The following DOT1L variants were observed in gnomAD, a reference collection of about 807,000 sequenced individuals.
DOT1L encodes the protein DOT1 like histone lysine methyltransferase, also known as histone-lysine N-methyltransferase, H3 lysine-79 specific.
Under a neutral mutation model 153.3 loss-of-function variants are expected in DOT1L, and 33 were observed. The observed-to-expected ratio is 0.22, with a 90% confidence interval of 0.16 to 0.29. The LOEUF (loss-of-function observed/expected upper bound fraction) is 0.29. Ranked by LOEUF, DOT1L falls within the 10% of genes least tolerant of loss-of-function variation. The pLI is 1.00. For missense variants in DOT1L, 1,847 were observed against 2,119.9 expected (o/e 0.87, Z 2.53); for synonymous variants, 1,135 against 965.1 (o/e 1.18, Z -3.26).
Position 2,208,914 on chromosome 19 carries a change from G to T in DOT1L, c.964-21G>T. ...GAGATTGGGACTCCCTTCTAATCAGGGTTCTCTTTCTTCTTTTTAGCTTGA... is the reference window on the plus strand; with the variant it reads ...GAGATTGGGACTCCCTTCTAATCAGTGTTCTCTTTCTTCTTTTTAGCTTGA... On this transcript the variant is annotated intron_variant, in intron 11 of 27. Transcript: ENST00000398665. The surrounding 1 kb of genome is among the most constrained non-coding windows in gnomAD (Gnocchi z 4.4). 1 of 1,611,568 alleles carries T rather than the reference G, an allele frequency of 6.2e-7. No individual in the cohort carries two copies. The highest frequency in any genetic ancestry group is 1.3e-5 in the African/African-American group (1 of 74,822).
At chr19:2,227,931 C>A (rs1019272919) in intron 27 of DOT1L, 5 of 1,200,280 alleles carry the variant, frequency 4.2e-6, no homozygotes, top group Non-Finnish European at 5.3e-6. Flanking sequence ...TCCGCCTCCC[C>A]CGCTGCCCCC....
Position 2,193,789 on chromosome 19 carries a change from C to G in DOT1L, c.588+6C>G, listed in dbSNP as rs189013905. On this transcript the variant is annotated splice_donor_region_variant and intron_variant, in intron 6 of 27. Coordinates refer to ENST00000398665, the MANE Select transcript of DOT1L (RefSeq NM_032482.3). The surrounding 1 kb of genome is among the most constrained non-coding windows in gnomAD (Gnocchi z 5.9). ...TCCCGGCCAAGTATGCGGAGGTGAGCGGATCTGAGGGCCAGGGTGTGTTGG... is the reference window on the plus strand; with the variant it reads ...TCCCGGCCAAGTATGCGGAGGTGAGGGGATCTGAGGGCCAGGGTGTGTTGG... 1.9e-6 allele frequency: 3 copies of G among 1,612,968 alleles called. No homozygotes were observed. Among genetic ancestry groups the G allele is most frequent in the Non-Finnish European group, 8.5e-7 (1 of 1,179,496 alleles).
At chr19:2,185,769 A>C (rs2022472061) in intron 2 of DOT1L, 86 bp from the exon 3 acceptor site, 2 of 1,409,864 alleles carry the variant, frequency 1.4e-6, no homozygotes, top group African/African-American at 2.8e-5. Flanking sequence ...ACTCCGTCTC[A>C]AAACAAAAAC....
In DOT1L at chr19:2,217,925, G is replaced by A. The variant is rs1257321444; in HGVS notation, c.2691+7G>A. On this transcript the variant is annotated splice_region_variant and intron_variant, in intron 22 of 27. Transcript: ENST00000398665. This position sits in a 1 kb window ranked among gnomAD's most constrained non-coding sequence, Gnocchi z 7.3. ...CAGCCGCGCCGAGAGGGCGGTGAGTGGCTCCCAGGTGGCTGTCCCCAAGGG... is the reference window on the plus strand; with the variant it reads ...CAGCCGCGCCGAGAGGGCGGTGAGTAGCTCCCAGGTGGCTGTCCCCAAGGG... The A allele has an allele frequency of 1.2e-6, 2 of 1,610,244 alleles. No homozygotes were observed. Among genetic ancestry groups the A allele is most frequent in the Non-Finnish European group, 1.7e-6 (2 of 1,179,442 alleles).
Position 2,191,629 on chromosome 19 carries a change from C to T in DOT1L, c.493+389C>T, listed in dbSNP as rs759257432. ...CCCACGGCTGCAGCCTGCCGCAGTC[C>T]TTCCCTGGGCACACCTGCTCCCTCC... On this transcript the variant is annotated intron_variant, in intron 5 of 27. Coordinates refer to ENST00000398665, the MANE Select transcript of DOT1L (RefSeq NM_032482.3). The surrounding 1 kb of genome is among the most constrained non-coding windows in gnomAD (Gnocchi z 6.8). Among the ~76,000 whole-genome samples, 9 of 152,190 alleles carry T rather than the reference C, an allele frequency of 5.9e-5. No homozygotes were observed. The highest frequency in any genetic ancestry group is 1.3e-4 in the Non-Finnish European group (9 of 68,026).
intron 1 of DOT1L, among the ~76,000 whole-genome samples, chr19:2,166,716 T>G (rs909143098): frequency 6.6e-6 from 1 of 152,200 alleles, no homozygotes; most frequent in Admixed American, 6.5e-5. Flanking sequence ...TGGCCTCACA[T>G]TTATTCGTAT....
intron 1 of DOT1L, among the ~76,000 whole-genome samples, chr19:2,172,990 A>G (rs1005500257): frequency 2.0e-5 from 3 of 152,000 alleles, no homozygotes; most frequent in African/African-American, 7.2e-5. Context: ...AAAAAAAAAA[A>G]AGTTCACCCG....
chr19:2,222,489 G>A lies in DOT1L; in HGVS notation c.3320G>A (p.Arg1107His), dbSNP rs2024158926. 7 of 1,590,502 alleles carry A rather than the reference G, an allele frequency of 4.4e-6. No individual in the cohort carries two copies. The highest frequency in any genetic ancestry group is 5.1e-6 in the Non-Finnish European group (6 of 1,171,444). The change falls in exon 24 of 28, where the codon CGC becomes CAC. Residue 1107 changes from arginine (R) to histidine (H), a missense_variant. Transcript: ENST00000398665. The surrounding 1 kb of genome is among the most constrained non-coding windows in gnomAD (Gnocchi z 6.5). ...PSLSAGVSPK[R>H]RALPSVAGLF... ...TTGAGCGCAGGCGTGTCCCCCAAGC[G>A]CCGAGCCCTGCCGTCCGTCGCTGGC...
At chr19:2,218,707 T>C (rs1320949768) in intron 22 of DOT1L, among the ~76,000 whole-genome samples, 4 of 151,432 alleles carry the variant, frequency 2.6e-5, no homozygotes, top group Non-Finnish European at 5.9e-5. Context: ...TCTTTTTTTT[T>C]ATTTTTCGAG....
Position 2,222,977 on chromosome 19 carries a change from C to T in DOT1L, c.3391-304C>T, listed in dbSNP as rs911586097. On this transcript the variant is annotated intron_variant, in intron 24 of 27. Coordinates refer to ENST00000398665, the MANE Select transcript of DOT1L (RefSeq NM_032482.3). This position sits in a 1 kb window ranked among gnomAD's most constrained non-coding sequence, Gnocchi z 6.5. ...TGCGGCCTGGCAGCCTGGGAAGAGG[C>T]GGCCGACAGCTGTCTCTGGGGTTCG... 9.2e-6 allele frequency: 4 copies of T among 434,680 alleles called. No homozygotes were observed. In the South Asian group the frequency reaches 1.2e-4, roughly 13 times the overall value. The allele number at this position is 434,680 out of a possible 1,614,324, so 26.9% of individuals were successfully genotyped here. A position where few individuals can be genotyped will look rare whatever the true frequency, so the allele number is the denominator to read the frequency against.
chr19:2,227,163 G>GGCCCCC (rs1368887325), intron 27 of DOT1L, 36 bp downstream of exon 27: 9 of 1,569,920 alleles, frequency 5.7e-6, no homozygotes, highest in Admixed American at 3.5e-5. Flanking sequence ...CCCCCGCCCC[G>GGCCCCC]GCCCCCGCCG....
At chr19:2,187,903 C>CA (rs2022604987) in intron 3 of DOT1L, among the ~76,000 whole-genome samples, 1 of 135,658 alleles carries the variant, frequency 7.4e-6, no homozygotes, top group Non-Finnish European at 1.5e-5. Context: ...GCCTGGGTGA[C>CA]AGAGCGAGAC....
chr19:2,166,090 T>TGTTATGTTAG (rs2019909225), intron 1 of DOT1L, among the ~76,000 whole-genome samples: 1 of 150,350 alleles, frequency 6.7e-6, no homozygotes, highest in African/African-American at 2.5e-5. Context: ...TGTTATGTTA[T>TGTTATGTTAG]GTTATGTTAT....
At chr19:2,173,906 C>T (rs752507604) in intron 1 of DOT1L, among the ~76,000 whole-genome samples, 14 of 152,312 alleles carry the variant, frequency 9.2e-5, no homozygotes, top group African/African-American at 2.2e-4. Flanking sequence ...CCTCCAGTGT[C>T]GAGTTGCTTT....
At position 2,191,660 on chromosome 19, in the gene DOT1L, G is replaced by T. The variant is rs960266937; in HGVS notation, c.493+420G>T. Among the ~76,000 whole-genome samples the T allele has an allele frequency of 6.6e-6, 1 of 152,128 alleles. No homozygotes were observed. Among genetic ancestry groups the T allele is most frequent in the Non-Finnish European group, 1.5e-5 (1 of 68,006 alleles). The stretch of plus-strand genomic sequence containing the variant: ...TGGGCACACCTGCTCCCTCCACAGC[G>T]GCTGGAAAGGTCCCCCGCGGAGGAA... On this transcript the variant is annotated intron_variant, in intron 5 of 27. Coordinates refer to ENST00000398665, the MANE Select transcript of DOT1L (RefSeq NM_032482.3). This position sits in a 1 kb window ranked among gnomAD's most constrained non-coding sequence, Gnocchi z 6.8.
intron 3 of DOT1L, among the ~76,000 whole-genome samples, chr19:2,186,910 A>G (rs2022536293): frequency 6.6e-6 from 1 of 152,260 alleles, no homozygotes; most frequent in Non-Finnish European, 1.5e-5. Flanking sequence ...TGCAGCGTGC[A>G]GATCAACAGC....
chr19:2,215,835 A>T (rs2023877533), intron 19 of DOT1L: 1 of 155,974 alleles, frequency 6.4e-6, no homozygotes, highest in Non-Finnish European at 1.4e-5. Flanking sequence ...TCTGTGTAAT[A>T]AAAAAACAAT....
intron 1 of DOT1L, among the ~76,000 whole-genome samples, chr19:2,167,225 G>C (rs1002369211): frequency 4.6e-5 from 7 of 152,168 alleles, no homozygotes; most frequent in African/African-American, 1.7e-4. Context: ...GGACCGCACG[G>C]CCTGTGCTAA....
intron 8 of DOT1L, among the ~76,000 whole-genome samples, chr19:2,200,887 G>A (rs552099817): frequency 2.2e-5 from 3 of 136,534 alleles, no homozygotes; most frequent in African/African-American, 8.5e-5. Context: ...CTTCCTCCCC[G>A]CATTCTTCAT....
Sources: gnomAD v4.1 joint callset for allele counts (sites outside exome capture counted in the v4.1 genomes callset) on GRCh38, gnomAD v4.1.1 for gene constraint, Gnocchi (gnomAD v3.1) non-coding constraint, MANE v1.5 for transcripts, NCBI Gene and HGNC (gene_info 2026-07-23, HGNC 2026-07-21) for gene names.